Variants in SERPINA11 observed in about 807,000 individuals in gnomAD.
The protein encoded by SERPINA11 is serpin A11.
SERPINA11 carries 28 observed loss-of-function variants against 29.4 expected under a neutral mutation model. The observed-to-expected ratio is 0.95, with a 90% CI of 0.70 to 1.30. The LOEUF is 1.30. Ranked by LOEUF, SERPINA11 falls within the 50% of genes most tolerant of loss-of-function variation. SERPINA11 has a pLI of 0.00. For synonymous variants in SERPINA11, 253 were observed against 206.6 expected (o/e 1.22, Z -1.92); for missense variants, 530 against 507.3 (o/e 1.04, Z -0.43).
At chr14:94,452,174 G>A (rs772262906) in intron 1 of SERPINA11, among the ~76,000 whole-genome samples, 3 of 152,092 alleles carry the variant, frequency 2.0e-5, no homozygotes, top group East Asian at 3.9e-4. Flanking sequence ...CCCAAATACC[G>A]GTAGTGCCCT....
chr14:94,442,748 C>A lies in SERPINA11; in HGVS notation c.1127G>T (p.Gly376Val). 1 of 1,613,466 alleles carries A rather than the reference C, an allele frequency of 6.2e-7. No homozygotes were observed. The highest frequency in any genetic ancestry group is 8.5e-7 in the Non-Finnish European group (1 of 1,179,844). ...EKGTEAGAAS[G>V]LLSQPPSLNT... The stretch of plus-strand genomic sequence containing the variant: ...CAGAGATGGGGGCTGGGAGAGGAGG[C>A]CTGAAGCAGCCCCGGCCTCGGTCCC... Residue 376 changes from glycine (G) to valine (V), a missense_variant, in exon 5 of 5, where the codon GGC becomes GTC. Physicochemically the swap from Gly to Val is moderately radical, Grantham distance 109. Transcript: ENST00000334708.
At chr14:94,450,458 G>A (rs1046285669) in intron 1 of SERPINA11, among the ~76,000 whole-genome samples, 17 of 152,166 alleles carry the variant, frequency 1.1e-4, no homozygotes, top group South Asian at 2.1e-4. Context: ...TCTACAAGCC[G>A]AGGAAAGCGA....
At chr14:94,448,916 A>T (rs1898502770) in intron 1 of SERPINA11, 139 bp from the exon 2 acceptor site, 1 of 695,212 alleles carries the variant, frequency 1.4e-6, no homozygotes, top group Non-Finnish European at 2.2e-6. Context: ...AAGGCTGTGG[A>T]TGATTAGGAT....
rs138558022 is a variant in SERPINA11, at chr14:94,448,971, T to C, written c.-3-194A>G. On this transcript the variant is annotated intron_variant, in intron 1 of 4. Transcript: ENST00000334708. ...GGCTTCAGTGAAGGTAGCAACCCTT[T>C]ATCTGCTTTACATATAGTAGGTTTC... 2.7e-3 allele frequency among the ~76,000 whole-genome samples: 404 copies of C among 152,350 alleles called. 3 individuals carry two copies. The highest frequency in any genetic ancestry group is 9.2e-3 in the African/African-American group (382 of 41,588).
At chr14:94,448,902 A>T (rs1898502390) in intron 1 of SERPINA11, 125 bp from the exon 2 acceptor site, 1 of 816,820 alleles carries the variant, frequency 1.2e-6, no homozygotes, top group East Asian at 2.7e-5. Context: ...GCACTGAAGA[A>T]GACAAGGCTG....
At chr14:94,449,425 C>CTTTG in intron 1 of SERPINA11, among the ~76,000 whole-genome samples, 1 of 90,574 alleles carries the variant, frequency 1.1e-5, no homozygotes, top group Non-Finnish European at 2.0e-5. Context: ...TTCTTTCTTT[C>CTTTG]TTTCTTTCTT....
At position 94,449,406 on chromosome 14, in the gene SERPINA11, ATTCTTTCTTTCTTTCT is replaced by A. The variant is rs869124586; in HGVS notation, c.-3-645_-3-630del. Among the ~76,000 whole-genome samples, 326 of 40,696 alleles carry A rather than the reference ATTCTTTCTTTCTTTCT, an allele frequency of 8.0e-3. 5 individuals are homozygous for A. Among genetic ancestry groups the A allele is most frequent in the Middle Eastern group, 0.023 (2 of 88 alleles). The allele number at this position is 40,696 out of a possible 152,430, so 26.7% of individuals were successfully genotyped here. On this transcript the variant is annotated intron_variant, in intron 1 of 4. Transcript: ENST00000334708. Reference sequence around the variant, plus strand: ...CCTCCCTCCCTCTTTCTTTCTTTCTATTCTTTCTTTCTTTCTTTCTTTCTTTCTTTCTTTCTTTCTT... The same window carrying A: ...CCTCCCTCCCTCTTTCTTTCTTTCTATTCTTTCTTTCTTTCTTTCTTTCTT...
rs1370315262 is a variant in SERPINA11, at chr14:94,442,781, C to T, written c.1094G>A (p.Ser365Asn). Residue 365 changes from serine (S) to asparagine (N), a missense_variant, in exon 5 of 5, where the codon AGT becomes AAT. Coordinates refer to ENST00000334708, the MANE Select transcript of SERPINA11 (RefSeq NM_001080451.2). The stretch of plus-strand genomic sequence containing the variant: ...AGCCCCGGCCTCGGTCCCCTTCTCA[C>T]TCATGTCCACCATCGCCTTGTGTGA... Reference protein sequence around the residue: ...KVSHKAMVDMSEKGTEAGAAS... With the variant: ...KVSHKAMVDMNEKGTEAGAAS... 4 of 1,610,950 alleles carry T rather than the reference C, an allele frequency of 2.5e-6. No individual in the cohort carries two copies. Among genetic ancestry groups the T allele is most frequent in the Non-Finnish European group, 2.5e-6 (3 of 1,178,836 alleles).
In SERPINA11 at chr14:94,443,064, G is replaced by T. The variant is rs761391656; in HGVS notation, c.1065+14C>A. ...CCCCCACCTGCCCACAAACATCCAT[G>T]TTCACCACTTTACCTTGGAGATGGT... On this transcript the variant is annotated intron_variant, in intron 4 of 4. Transcript: ENST00000334708. 6.2e-7 allele frequency: 1 copy of T among 1,604,968 alleles called. No individual in the cohort carries two copies. The highest frequency in any genetic ancestry group is 1.7e-5 in the Admixed American group (1 of 58,392).
At chr14:94,449,370 C>A (rs1898515819) in intron 1 of SERPINA11, among the ~76,000 whole-genome samples, 1 of 145,560 alleles carries the variant, frequency 6.9e-6, no homozygotes, top group Non-Finnish European at 1.5e-5. Flanking sequence ...AAAACAACTT[C>A]CATAGTCTAG....
At chr14:94,449,425 CTTTCTTTCTTTCTTTCTT>C (rs1566784622) in intron 1 of SERPINA11, among the ~76,000 whole-genome samples, 1 of 90,574 alleles carries the variant, frequency 1.1e-5, no homozygotes, top group Non-Finnish European at 2.0e-5. Flanking sequence ...TTCTTTCTTT[CTTTCTTTCTTTCTTTCTT>C]TCTTTCTTTC....
intron 4 of SERPINA11, 67 bp from the exon 5 acceptor site, chr14:94,442,876 C>G: frequency 2.1e-6 from 3 of 1,412,036 alleles, no homozygotes. Context: ...CACTGTATTC[C>G]TGCCATGAAG....
intron 1 of SERPINA11, among the ~76,000 whole-genome samples, chr14:94,452,322 G>A (rs1430509485): frequency 6.6e-6 from 1 of 152,174 alleles, no homozygotes; most frequent in Non-Finnish European, 1.5e-5. Flanking sequence ...GCAGGAGCAA[G>A]ACTCAGATTC....
chr14:94,450,736 T>G (rs1367950979), intron 1 of SERPINA11, among the ~76,000 whole-genome samples: 2 of 152,144 alleles, frequency 1.3e-5, no homozygotes, highest in African/African-American at 4.8e-5. Flanking sequence ...CTTCCAGGGA[T>G]CAAAGTGGTA....
intron 2 of SERPINA11, 69 bp from the exon 3 acceptor site, chr14:94,446,673 A>C: frequency 6.9e-7 from 1 of 1,455,806 alleles, no homozygotes; most frequent in Non-Finnish European, 9.3e-7. Context: ...AGACACACAC[A>C]AAACCACAGT....
intron 1 of SERPINA11, among the ~76,000 whole-genome samples, chr14:94,450,443 A>C (rs1385935449): frequency 6.6e-6 from 1 of 152,162 alleles, no homozygotes; most frequent in African/African-American, 2.4e-5. Flanking sequence ...GATCAGGGTG[A>C]TGCTTCTACA....
At position 94,442,611 on chromosome 14, in the gene SERPINA11, C is replaced by T. The variant is rs1423431628; in HGVS notation, c.1264G>A (p.Gly422Arg). ...FLGKVVNPVAG is the reference protein window; with the variant it reads ...FLGKVVNPVAR The stretch of plus-strand genomic sequence containing the variant: ...CTCCTGGCCTCCCACCATGGTTACC[C>T]TGCAACTGGGTTGACAACTTTTCCC... The change falls in exon 5 of 5, where the codon GGG becomes AGG. Residue 422 changes from glycine (G) to arginine (R), a missense_variant. Coordinates refer to ENST00000334708, the MANE Select transcript of SERPINA11 (RefSeq NM_001080451.2). 2 of 1,606,370 alleles carry T rather than the reference C, an allele frequency of 1.2e-6. No homozygotes were observed. Among genetic ancestry groups the T allele is most frequent in the Non-Finnish European group, 1.7e-6 (2 of 1,175,922 alleles).
Position 94,448,404 on chromosome 14 carries a change from T to C in SERPINA11, c.371A>G (p.His124Arg). The change falls in exon 2 of 5, where the codon CAC becomes CGC. Residue 124 changes from histidine to arginine, a missense_variant. Transcript: ENST00000334708. ...DIHQGFRSLL[H>R]TLALPSPKLE... ...TTTGGGGCTGGGCAGGGCAAGGGTG[T>C]GGAGGAGGCTCCGGAAGCCCTGGTG... is the stretch of plus-strand genomic sequence containing the variant. 6.2e-7 allele frequency: 1 copy of C among 1,614,128 alleles called. No individual in the cohort carries two copies. The highest frequency in any genetic ancestry group is 8.5e-7 in the Non-Finnish European group (1 of 1,180,006).
chr14:94,450,765 T>C (rs937869430), intron 1 of SERPINA11, among the ~76,000 whole-genome samples: 1 of 152,292 alleles, frequency 6.6e-6, no homozygotes, highest in Middle Eastern at 3.4e-3. Context: ...GGAAGACCCC[T>C]TGTTTTAGGG....
Sources: gnomAD v4.1 joint callset for allele counts (sites outside exome capture counted in the v4.1 genomes callset) on GRCh38, gnomAD v4.1.1 for gene constraint, MANE v1.5 for transcripts, NCBI Gene and HGNC (gene_info 2026-07-23, HGNC 2026-07-21) for gene names.